The following LHFPL3 variants were observed in gnomAD, a reference collection of about 807,000 sequenced individuals.
LHFPL3 encodes the protein LHFPL tetraspan subfamily member 3 protein.
A neutral mutation model predicts 19.3 loss-of-function variants in LHFPL3; 5 were observed. The ratio of observed to expected loss-of-function variants is 0.26; its 90% CI spans 0.14 to 0.54. LHFPL3 has a LOEUF of 0.54. LHFPL3 is among the 20% of genes least tolerant of loss of function. The pLI is 0.94. For synonymous variants in LHFPL3, 133 were observed against 126.2 expected (o/e 1.05, Z -0.36); for missense variants, 249 against 307.4 (o/e 0.81, Z 1.42).
intron 1 of LHFPL3, among the ~76,000 whole-genome samples, chr7:104,702,943 C>T (rs1441156059): frequency 6.6e-6 from 1 of 152,192 alleles, no homozygotes; most frequent in African/African-American, 2.4e-5. Context: ...AACAATCCTC[C>T]CCTCCCATCT....
intron 2 of LHFPL3, among the ~76,000 whole-genome samples, chr7:104,841,493 G>GTGTGTGTGTGTGTGTGTGT (rs372610653): frequency 1.3e-4 from 18 of 140,938 alleles, no homozygotes; most frequent in African/African-American, 4.3e-4. Flanking sequence ...CATTATGTGG[G>GTGTGTGTGTGTGTGTGTGT]GTGTGTGTGT....
At chr7:104,494,908 A>G (rs1366977605) in intron 1 of LHFPL3, among the ~76,000 whole-genome samples, 1 of 152,140 alleles carries the variant, frequency 6.6e-6, no homozygotes, top group Non-Finnish European at 1.5e-5. Flanking sequence ...AAGACTCTGT[A>G]GTTCTTCTCA....
At chr7:104,876,329 C>T (rs1791938440) in intron 2 of LHFPL3, among the ~76,000 whole-genome samples, 2 of 152,198 alleles carry the variant, frequency 1.3e-5, no homozygotes, top group Non-Finnish European at 2.9e-5. Context: ...AAACTACCAT[C>T]AGAGTGAACA....
At chr7:104,446,264 G>T (rs1792328404) in intron 1 of LHFPL3, among the ~76,000 whole-genome samples, 1 of 152,090 alleles carries the variant, frequency 6.6e-6, no homozygotes. Context: ...AGGAGGAAGG[G>T]GGCAGATTGA....
At chr7:104,592,062 ATCC>A (rs780170743) in intron 1 of LHFPL3, among the ~76,000 whole-genome samples, 7 of 152,106 alleles carry the variant, frequency 4.6e-5, no homozygotes, top group Non-Finnish European at 8.8e-5. Flanking sequence ...GGGTTCGAAC[ATCC>A]TCCTTTAGCT....
chr7:104,653,469 A>C (rs1476112056), intron 1 of LHFPL3, among the ~76,000 whole-genome samples: 1 of 152,200 alleles, frequency 6.6e-6, no homozygotes, highest in Non-Finnish European at 1.5e-5. Context: ...AGGGGCCAGC[A>C]AATTTTCTCT....
intron 1 of LHFPL3, among the ~76,000 whole-genome samples, chr7:104,393,229 G>A (rs1791113942): frequency 6.6e-6 from 1 of 152,134 alleles, no homozygotes; most frequent in Non-Finnish European, 1.5e-5. Context: ...AATGTAAGAT[G>A]ATGAAGCAAG....
At chr7:104,647,632 A>T (rs1167001763) in intron 1 of LHFPL3, among the ~76,000 whole-genome samples, 2 of 152,234 alleles carry the variant, frequency 1.3e-5, no homozygotes, top group Non-Finnish European at 2.9e-5. Flanking sequence ...AAATAAGAAG[A>T]GTTTTGTTTT....
intron 1 of LHFPL3, among the ~76,000 whole-genome samples, chr7:104,627,664 G>T (rs1475270981): frequency 6.6e-6 from 1 of 152,132 alleles, no homozygotes; most frequent in Admixed American, 6.6e-5. Flanking sequence ...CTCAGCCCTC[G>T]TGAAGATACC....
At chr7:104,562,208 T>A (rs1790019676) in intron 1 of LHFPL3, among the ~76,000 whole-genome samples, 1 of 151,940 alleles carries the variant, frequency 6.6e-6, no homozygotes, top group Non-Finnish European at 1.5e-5. Context: ...TCTCTGTATT[T>A]CCTGAATCTG....
intron 1 of LHFPL3, chr7:104,669,244 C>T: frequency 6.2e-7 from 1 of 1,613,992 alleles, no homozygotes; most frequent in South Asian, 1.1e-5. Context: ...AGACACAGAG[C>T]AGCAATCCCC....
chr7:104,636,598 T>C (rs555845213), intron 1 of LHFPL3, among the ~76,000 whole-genome samples: 1 of 152,250 alleles, frequency 6.6e-6, no homozygotes, highest in Non-Finnish European at 1.5e-5. Context: ...GTTCTCATTA[T>C]TTAGCTTCCA....
chr7:104,355,804 C>T (rs760122348), intron 1 of LHFPL3, among the ~76,000 whole-genome samples: 1 of 152,228 alleles, frequency 6.6e-6, no homozygotes, highest in African/African-American at 2.4e-5. Flanking sequence ...GGCTCTTCCT[C>T]CACTGGCATC....
At chr7:104,436,936 T>C (rs908621957) in intron 1 of LHFPL3, among the ~76,000 whole-genome samples, 1 of 152,214 alleles carries the variant, frequency 6.6e-6, no homozygotes, top group Non-Finnish European at 1.5e-5. Flanking sequence ...GACACATACT[T>C]TTCATCAAGA....
intron 1 of LHFPL3, among the ~76,000 whole-genome samples, chr7:104,704,502 C>A (rs1793152876): frequency 6.7e-6 from 1 of 149,754 alleles, no homozygotes; most frequent in African/African-American, 2.5e-5. Flanking sequence ...TCTTTTCTTT[C>A]CATTTCCATG....
At chr7:104,483,742 A>G (rs1793182617) in intron 1 of LHFPL3, among the ~76,000 whole-genome samples, 1 of 152,164 alleles carries the variant, frequency 6.6e-6, no homozygotes, top group African/African-American at 2.4e-5. Context: ...CAGCCTCCTG[A>G]GTAGCTGGGA....
chr7:104,358,953 T>A (rs1265834044), intron 1 of LHFPL3, among the ~76,000 whole-genome samples: 1 of 152,234 alleles, frequency 6.6e-6, no homozygotes, highest in African/African-American at 2.4e-5. Context: ...TTTCCAAATG[T>A]GTTGCTACTG....
At chr7:104,757,809 C>T in intron 2 of LHFPL3, 1 of 152,060 alleles carries the variant, frequency 6.6e-6, no homozygotes, top group East Asian at 1.9e-4. Flanking sequence ...TCTCAAAGAA[C>T]TAAAAATAGA....
chr7:104,904,702 T>G (rs557095923), intron 2 of LHFPL3, among the ~76,000 whole-genome samples: 4 of 152,126 alleles, frequency 2.6e-5, no homozygotes, highest in African/African-American at 9.7e-5. Flanking sequence ...TGCTCTGTGA[T>G]GTAAAGCCTA....
Sources: gnomAD v4.1 joint callset for allele counts (sites outside exome capture counted in the v4.1 genomes callset) on GRCh38, gnomAD v4.1.1 for gene constraint, MANE v1.5 for transcripts, NCBI Gene and HGNC (gene_info 2026-07-23, HGNC 2026-07-21) for gene names.